The following ZSWIM5 variants were observed in gnomAD, a reference collection of about 807,000 sequenced individuals.
The protein encoded by ZSWIM5 is zinc finger SWIM domain-containing protein 5.
ZSWIM5 carries 55 observed loss-of-function variants against 119.6 expected under a neutral mutation model. The observed-to-expected ratio is 0.46, with a 90% CI of 0.37 to 0.58. ZSWIM5 has a LOEUF of 0.58. ZSWIM5 is among the 20% of genes least tolerant of loss of function. The pLI is 0.00. For synonymous variants in ZSWIM5, 537 were observed against 606.9 expected (o/e 0.88, Z 1.69); for missense variants, 1,193 against 1,512.8 (o/e 0.79, Z 3.51).
At chr1:45,129,958 T>C (rs1645645121) in intron 1 of ZSWIM5, among the ~76,000 whole-genome samples, 1 of 152,046 alleles carries the variant, frequency 6.6e-6, no homozygotes, top group Non-Finnish European at 1.5e-5. Context: ...AGTGCAGCAG[T>C]GTGATCTCAG....
intron 2 of ZSWIM5, among the ~76,000 whole-genome samples, chr1:45,079,425 GGAGTACCGCCA>G (rs987845909): frequency 5.9e-5 from 9 of 152,150 alleles, no homozygotes; most frequent in African/African-American, 1.7e-4. Context: ...AGGCCCACGA[GGAGTACCGCCA>G]GACTACCATT....
At chr1:45,023,322 A>C (rs1644899459) in intron 11 of ZSWIM5, among the ~76,000 whole-genome samples, 1 of 152,086 alleles carries the variant, frequency 6.6e-6, no homozygotes, top group Non-Finnish European at 1.5e-5. Context: ...CATATCATAT[A>C]CTTGGAATCA....
chr1:45,025,814 T>C (rs897010177), intron 11 of ZSWIM5, among the ~76,000 whole-genome samples: 2 of 152,214 alleles, frequency 1.3e-5, no homozygotes, highest in Non-Finnish European at 2.9e-5. Context: ...TTACAATGAT[T>C]TCACTTAAGA....
At chr1:45,044,020 C>A (rs1381608814) in intron 5 of ZSWIM5, among the ~76,000 whole-genome samples, 1 of 151,836 alleles carries the variant, frequency 6.6e-6, no homozygotes, top group Non-Finnish European at 1.5e-5. Context: ...ACTGTCTCTA[C>A]AAAAAATAAA....
chr1:45,184,919 CA>C (rs1224336348), intron 1 of ZSWIM5, among the ~76,000 whole-genome samples: 1 of 150,496 alleles, frequency 6.6e-6, no homozygotes, highest in Non-Finnish European at 1.5e-5. Context: ...CATATGGAAC[CA>C]AAAAAGAGCC....
intron 1 of ZSWIM5, among the ~76,000 whole-genome samples, chr1:45,164,119 C>T (rs1292785682): frequency 2.0e-5 from 3 of 152,226 alleles, no homozygotes; most frequent in African/African-American, 7.2e-5. Flanking sequence ...AACAGTGGAT[C>T]TCTCGGCAGA....
intron 1 of ZSWIM5, among the ~76,000 whole-genome samples, chr1:45,150,960 T>C (rs560641605): frequency 1.2e-4 from 18 of 152,186 alleles, no homozygotes; most frequent in Non-Finnish European, 2.6e-4. Flanking sequence ...GCATGACTCC[T>C]GATCTTCCCC....
intron 5 of ZSWIM5, among the ~76,000 whole-genome samples, chr1:45,048,908 C>T (rs981256668): frequency 6.6e-6 from 1 of 152,058 alleles, no homozygotes; most frequent in African/African-American, 2.4e-5. Context: ...ATTGCTTCAG[C>T]TCAGGAGTTC....
At chr1:45,139,007 T>G in intron 1 of ZSWIM5, among the ~76,000 whole-genome samples, 1 of 151,100 alleles carries the variant, frequency 6.6e-6, no homozygotes, top group East Asian at 2.0e-4. Context: ...TTTTCCAGCC[T>G]CGTAGCTGGG....
intron 5 of ZSWIM5, among the ~76,000 whole-genome samples, chr1:45,048,588 T>A (rs1358652258): frequency 6.6e-6 from 1 of 152,106 alleles, no homozygotes; most frequent in Non-Finnish European, 1.5e-5. Flanking sequence ...GTAAAAGAAT[T>A]ATTGAAACTG....
intron 7 of ZSWIM5, among the ~76,000 whole-genome samples, chr1:45,039,339 T>C (rs555675686): frequency 6.6e-6 from 1 of 152,362 alleles, no homozygotes; most frequent in South Asian, 2.1e-4. Context: ...CTGAGTCTTC[T>C]GAATAGTTGG....
chr1:45,143,661 A>C (rs544563381), intron 1 of ZSWIM5, among the ~76,000 whole-genome samples: 1 of 152,312 alleles, frequency 6.6e-6, no homozygotes, highest in African/African-American at 2.4e-5. Context: ...TGAAAATCTT[A>C]GCTGGTGCAA....
chr1:45,019,135 C>T lies in ZSWIM5; in HGVS notation c.2877G>A (p.Met959Ile). 1 of 1,614,120 alleles carries T rather than the reference C, an allele frequency of 6.2e-7. No individual in the cohort carries two copies. The highest frequency in any genetic ancestry group is 8.5e-7 in the Non-Finnish European group (1 of 1,180,034). The change falls in exon 14 of 14, where the codon ATG (methionine) becomes ATA (isoleucine). Residue 959 changes from methionine to isoleucine, a missense_variant. By Grantham distance (10) the Met-to-Ile change is conservative (BLOSUM62 1). Coordinates refer to ENST00000359600, the MANE Select transcript of ZSWIM5 (RefSeq NM_020883.2). The surrounding 1 kb of genome is among the most constrained non-coding windows in gnomAD (Gnocchi z 5.0). ...CARTLALQCA[M>I]KDPQSCALSA... is the part of the protein sequence containing the mutation. The stretch of plus-strand genomic sequence containing the variant: ...ACAGGGCACAGCTCTGTGGATCCTT[C>T]ATAGCACACTGTAGAGCCAGTGTGC...
chr1:45,115,980 C>G (rs888149431), intron 1 of ZSWIM5, among the ~76,000 whole-genome samples: 1 of 152,138 alleles, frequency 6.6e-6, no homozygotes, highest in African/African-American at 2.4e-5. Context: ...TGGTGGCGCG[C>G]GCCCGCAATC....
intron 2 of ZSWIM5, among the ~76,000 whole-genome samples, chr1:45,081,468 G>A (rs959317243): frequency 1.3e-5 from 2 of 152,208 alleles, no homozygotes; most frequent in South Asian, 2.1e-4. Flanking sequence ...GCGCCGCCAC[G>A]CCTGACTGGT....
chr1:45,076,630 T>C (rs1397695479), intron 2 of ZSWIM5, among the ~76,000 whole-genome samples: 2 of 152,234 alleles, frequency 1.3e-5, no homozygotes, highest in African/African-American at 4.8e-5. Flanking sequence ...TACTTGGATA[T>C]TGATATATCT....
chr1:45,104,972 G>C (rs1390221503), intron 1 of ZSWIM5, among the ~76,000 whole-genome samples: 1 of 152,212 alleles, frequency 6.6e-6, no homozygotes. Context: ...TCTTTCACTT[G>C]TGCCCCTACA....
intron 1 of ZSWIM5, among the ~76,000 whole-genome samples, chr1:45,159,607 C>T (rs1259468691): frequency 6.6e-6 from 1 of 150,526 alleles, no homozygotes; most frequent in African/African-American, 2.4e-5. Flanking sequence ...TTTTTTTTTT[C>T]AGACTGAGTC....
At chr1:45,205,711 G>A in intron 1 of ZSWIM5, 45 bp downstream of exon 1, 2 of 1,477,514 alleles carry the variant, frequency 1.4e-6, no homozygotes, top group Non-Finnish European at 1.8e-6. Context: ...AGGCACCCGC[G>A]GAAGAGGAGG....
Sources: gnomAD v4.1 joint callset for allele counts (sites outside exome capture counted in the v4.1 genomes callset) on GRCh38, gnomAD v4.1.1 for gene constraint, Gnocchi (gnomAD v3.1) non-coding constraint, MANE v1.5 for transcripts, NCBI Gene and HGNC (gene_info 2026-07-23, HGNC 2026-07-21) for gene names.